Variants in PRKD1 observed in about 807,000 individuals in gnomAD.
PRKD1 encodes the protein protein kinase D1.
A neutral mutation model predicts 95.9 loss-of-function variants in PRKD1; 63 were observed. The observed-to-expected ratio is 0.66, with a 90% CI of 0.54 to 0.81. The LOEUF (loss-of-function observed/expected upper bound fraction) is 0.81, where lower values mean the gene tolerates loss of function less well. Ranked by LOEUF, PRKD1 falls within the 30% of genes least tolerant of loss-of-function variation. The pLI is 0.00. For missense variants in PRKD1, 1,048 were observed against 1,165.3 expected (o/e 0.90, Z 1.47); for synonymous variants, 425 against 423.1 (o/e 1.00, Z -0.05).
intron 1 of PRKD1, among the ~76,000 whole-genome samples, chr14:29,878,633 C>T (rs552870270): frequency 2.0e-5 from 3 of 152,262 alleles, no homozygotes; most frequent in East Asian, 3.9e-4. Context: ...AAACATTACA[C>T]TAGGTGAAAT....
intron 1 of PRKD1, among the ~76,000 whole-genome samples, chr14:29,787,554 G>A (rs1214809548): frequency 1.3e-5 from 2 of 152,064 alleles, no homozygotes; most frequent in Non-Finnish European, 1.5e-5. Context: ...CCCTCACGCA[G>A]AATTGATCCT....
rs917000677 is a variant in PRKD1, at chr14:29,650,132, G to A, written c.697-11228C>T. The stretch of plus-strand genomic sequence containing the variant: ...GTTTTCTTTTCCGAGCTGACTTAGC[G>A]AGCCACTCTCGTGTCCTGTCTCTGT... On this transcript the variant is annotated intron_variant, in intron 4 of 17. Transcript: ENST00000331968. 3.9e-5 allele frequency among the ~76,000 whole-genome samples: 6 copies of A among 152,198 alleles called. No homozygotes were observed. The East Asian group carries it at 9.7e-4, about 25-fold the overall frequency.
At chr14:29,797,591 A>C (rs1371536958) in intron 1 of PRKD1, among the ~76,000 whole-genome samples, 1 of 152,174 alleles carries the variant, frequency 6.6e-6, no homozygotes, top group African/African-American at 2.4e-5. Flanking sequence ...GGGGCTGATC[A>C]TAACAGGTAA....
At chr14:29,683,248 A>G (rs1412141949) in intron 2 of PRKD1, among the ~76,000 whole-genome samples, 1 of 152,176 alleles carries the variant, frequency 6.6e-6, no homozygotes, top group Non-Finnish European at 1.5e-5. Context: ...CAAGCTATAG[A>G]CTTGACGATT....
At chr14:29,923,492 T>A (rs1345637920) in intron 1 of PRKD1, among the ~76,000 whole-genome samples, 1 of 151,906 alleles carries the variant, frequency 6.6e-6, no homozygotes, top group African/African-American at 2.4e-5. Flanking sequence ...AAAAATGACA[T>A]CACAACTATT....
chr14:29,656,256 C>T (rs924511069), intron 4 of PRKD1, among the ~76,000 whole-genome samples: 2 of 152,156 alleles, frequency 1.3e-5, no homozygotes, highest in South Asian at 2.1e-4. Flanking sequence ...GACTTCATTG[C>T]TTTTTGGCTT....
chr14:29,883,274 A>T (rs1225250019), intron 1 of PRKD1, among the ~76,000 whole-genome samples: 1 of 152,188 alleles, frequency 6.6e-6, no homozygotes. Flanking sequence ...CGCATTAAGG[A>T]TTACATTTCA....
intron 2 of PRKD1, among the ~76,000 whole-genome samples, chr14:29,700,390 T>C (rs184126537): frequency 6.6e-6 from 1 of 152,328 alleles, no homozygotes; most frequent in African/African-American, 2.4e-5. Context: ...TAAATCTCTT[T>C]TGATCTAGAG....
rs543218265 is a variant in PRKD1 at position 29,630,747 on chromosome 14, A to C, written c.1667T>G (p.Leu556Trp). ...KGSSVGTGTN[L>W]HRDISVSISV... ...TAGAAAACTGGCAGACTCACTGTGC[A>C]AGTTGGTTCCTGTACCCACGGAGGA... Residue 556 changes from leucine to tryptophan, a missense_variant, in exon 10 of 18, where the codon TTG becomes TGG. Transcript: ENST00000331968. The C allele has an allele frequency of 8.7e-6, 14 of 1,614,062 alleles. No homozygotes were observed. The East Asian group carries it at 2.2e-4, about 26-fold the overall frequency.
intron 1 of PRKD1, among the ~76,000 whole-genome samples, chr14:29,815,826 T>C (rs1280518073): frequency 6.6e-6 from 1 of 152,178 alleles, no homozygotes; most frequent in African/African-American, 2.4e-5. Flanking sequence ...ATGTGGTACC[T>C]CTTCTTGACA....
chr14:29,909,512 C>T (rs1894625241), intron 1 of PRKD1, among the ~76,000 whole-genome samples: 1 of 152,138 alleles, frequency 6.6e-6, no homozygotes, highest in Admixed American at 6.5e-5. Flanking sequence ...TTATGTCTAG[C>T]TAAGGGATTG....
At chr14:29,847,932 G>A (rs778055358) in intron 1 of PRKD1, among the ~76,000 whole-genome samples, 4 of 152,042 alleles carry the variant, frequency 2.6e-5, no homozygotes, top group Non-Finnish European at 5.9e-5. Context: ...GGTGCAGCAA[G>A]AAGCATAGGA....
intron 1 of PRKD1, among the ~76,000 whole-genome samples, chr14:29,824,134 T>C (rs1243276195): frequency 1.3e-5 from 2 of 152,176 alleles, no homozygotes; most frequent in African/African-American, 2.4e-5. Context: ...CCAGCAATTC[T>C]GTATTTGAAA....
chr14:29,588,722 A>C (rs1017875910), intron 16 of PRKD1, among the ~76,000 whole-genome samples: 1 of 151,800 alleles, frequency 6.6e-6, no homozygotes, highest in African/African-American at 2.4e-5. Context: ...CCTTCAGTGC[A>C]CTAAAGGCAA....
intron 16 of PRKD1, 98 bp downstream of exon 16, chr14:29,597,393 C>T: frequency 8.1e-7 from 1 of 1,239,646 alleles, no homozygotes; most frequent in Non-Finnish European, 1.1e-6. Flanking sequence ...TTACAATGAG[C>T]ATGTATTAAG....
chr14:29,884,679 G>C lies in PRKD1; in HGVS notation c.264+42570C>G, dbSNP rs1050214459. 4.6e-5 allele frequency among the ~76,000 whole-genome samples: 7 copies of C among 152,180 alleles called. No individual in the cohort carries two copies. The East Asian group carries it at 1.3e-3, about 29-fold the overall frequency. The stretch of plus-strand genomic sequence containing the variant: ...GTCAACATATCATGGACTTCGATCA[G>C]GTGACAAAGACAGATGCTAGGATAT... On this transcript the variant is annotated intron_variant, in intron 1 of 17. Coordinates refer to ENST00000331968, the MANE Select transcript of PRKD1 (RefSeq NM_002742.3).
intron 2 of PRKD1, among the ~76,000 whole-genome samples, chr14:29,701,809 C>T (rs1884856965): frequency 6.6e-6 from 1 of 152,068 alleles, no homozygotes; most frequent in African/African-American, 2.4e-5. Flanking sequence ...TTTGATGATA[C>T]TCAGTTTTTG....
intron 1 of PRKD1, among the ~76,000 whole-genome samples, chr14:29,852,246 A>T (rs943452799): frequency 1.3e-5 from 2 of 152,194 alleles, no homozygotes; most frequent in African/African-American, 4.8e-5. Flanking sequence ...AAAGTTGAGA[A>T]AATAATGTGT....
chr14:29,604,129 A>G (rs1310841707), intron 13 of PRKD1, among the ~76,000 whole-genome samples: 3 of 152,286 alleles, frequency 2.0e-5, no homozygotes, highest in Admixed American at 1.3e-4. Flanking sequence ...GACTAATTCT[A>G]ATTTTTTTGT....
Sources: gnomAD v4.1 joint callset for allele counts (sites outside exome capture counted in the v4.1 genomes callset) on GRCh38, gnomAD v4.1.1 for gene constraint, MANE v1.5 for transcripts, NCBI Gene and HGNC (gene_info 2026-07-23, HGNC 2026-07-21) for gene names.